The following TUSC3 variants were observed in gnomAD, a reference collection of about 807,000 sequenced individuals.
TUSC3 encodes tumor suppressor candidate 3.
Under a neutral mutation model 44.8 loss-of-function variants are expected in TUSC3, and 45 were observed. The observed-to-expected ratio is 1.00, with a 90% CI of 0.79 to 1.29. TUSC3 has a LOEUF of 1.29. TUSC3 is among the 50% of genes most tolerant of loss of function. TUSC3 has a pLI of 0.00. For missense variants in TUSC3, 519 were observed against 437.9 expected (o/e 1.19, Z -1.65); for synonymous variants, 212 against 152.9 (o/e 1.39, Z -2.85).
At chr8:15,469,208 C>G (rs981112678) in intron 1 of TUSC3, among the ~76,000 whole-genome samples, 2 of 152,096 alleles carry the variant, frequency 1.3e-5, no homozygotes, top group East Asian at 1.9e-4. Flanking sequence ...AAGACACTGT[C>G]TAGAGAATGA....
At chr8:15,635,130 A>C (rs1806008410) in intron 2 of TUSC3, among the ~76,000 whole-genome samples, 1 of 152,126 alleles carries the variant, frequency 6.6e-6, no homozygotes, top group Non-Finnish European at 1.5e-5. Context: ...GGTAACTGTC[A>C]AGGAAGGAAA....
intron 1 of TUSC3, among the ~76,000 whole-genome samples, chr8:15,616,914 A>G (rs1403600865): frequency 1.3e-5 from 2 of 152,188 alleles, no homozygotes; most frequent in Non-Finnish European, 2.9e-5. Context: ...AATCTGGGCC[A>G]GTAGCATGAG....
At chr8:15,620,871 T>G (rs151270053) in intron 1 of TUSC3, among the ~76,000 whole-genome samples, 188 of 152,326 alleles carry the variant, frequency 1.2e-3, no homozygotes, top group African/African-American at 4.2e-3. Context: ...TTTGACCTTT[T>G]ACAGTTACTT....
intron 6 of TUSC3, among the ~76,000 whole-genome samples, chr8:15,692,371 C>CCCCTCT (rs1563175839): frequency 5.3e-5 from 1 of 18,822 alleles, no homozygotes; most frequent in South Asian, 3.6e-3. Flanking sequence ...CCCCCCCCCC[C>CCCCTCT]TTTGTTTTTT....
At chr8:15,845,128 C>T in the TUSC3 span, among the ~76,000 whole-genome samples, 3 of 152,046 alleles carry the variant, frequency 2.0e-5, no homozygotes, top group Non-Finnish European at 4.4e-5. Flanking sequence ...TAAGTTAGAA[C>T]AAGAAGAAAC....
the TUSC3 span, among the ~76,000 whole-genome samples, chr8:15,798,649 T>TGGGGG: frequency 2.0e-5 from 3 of 147,154 alleles, no homozygotes; most frequent in African/African-American, 8.0e-5. Flanking sequence ...CCTGGGTGTG[T>TGGGGG]GGGGGGGGTC....
At chr8:15,785,774 A>G in the TUSC3 span, among the ~76,000 whole-genome samples, 1 of 152,050 alleles carries the variant, frequency 6.6e-6, no homozygotes, top group South Asian at 2.1e-4. Context: ...CTAACATATC[A>G]CGAAGCATTC....
chr8:15,541,254 G>T (rs1055236343), intron 1 of TUSC3, among the ~76,000 whole-genome samples: 6 of 152,182 alleles, frequency 3.9e-5, no homozygotes, highest in African/African-American at 1.4e-4. Flanking sequence ...CATTAACTTT[G>T]AAAAGGTTGA....
the TUSC3 span, among the ~76,000 whole-genome samples, chr8:15,848,390 G>A: frequency 1.3e-5 from 2 of 152,172 alleles, no homozygotes; most frequent in Non-Finnish European, 2.9e-5. Context: ...CCTCACATCA[G>A]AAAACAGGAT....
chr8:15,640,769 G>A (rs1200073580), intron 2 of TUSC3, among the ~76,000 whole-genome samples: 1 of 152,086 alleles, frequency 6.6e-6, no homozygotes, highest in Non-Finnish European at 1.5e-5. Flanking sequence ...GGATCCAAGG[G>A]GAGATGATGG....
At chr8:15,622,440 G>C (rs934821826) in intron 1 of TUSC3, among the ~76,000 whole-genome samples, 1 of 150,092 alleles carries the variant, frequency 6.7e-6, no homozygotes, top group African/African-American at 2.4e-5. Context: ...GCCTATAAGA[G>C]CCTTCTATAC....
chr8:15,744,120 A>ACTAT (rs1248415131), intron 8 of TUSC3, among the ~76,000 whole-genome samples: 1 of 152,178 alleles, frequency 6.6e-6, no homozygotes, highest in African/African-American at 2.4e-5. Context: ...ATCTATTGAT[A>ACTAT]CTATCTTTTC....
At chr8:15,555,024 T>C (rs1051049149) in intron 1 of TUSC3, among the ~76,000 whole-genome samples, 6 of 151,430 alleles carry the variant, frequency 4.0e-5, no homozygotes, top group Non-Finnish European at 8.8e-5. Flanking sequence ...GCAAGGAGAT[T>C]GAAGGAACAC....
At chr8:15,783,020 G>T in the TUSC3 span, among the ~76,000 whole-genome samples, 1 of 152,032 alleles carries the variant, frequency 6.6e-6, no homozygotes, top group Non-Finnish European at 1.5e-5. Context: ...GAAGTTGTAG[G>T]ATATATATCA....
At chr8:15,437,430 C>T (rs1238685897) in intron 1 of TUSC3, among the ~76,000 whole-genome samples, 3 of 152,066 alleles carry the variant, frequency 2.0e-5, no homozygotes, top group East Asian at 1.9e-4. Context: ...GAAAGAGATT[C>T]GTGATTTTAT....
chr8:15,584,995 A>G (rs1049159201), intron 1 of TUSC3, among the ~76,000 whole-genome samples: 1 of 152,218 alleles, frequency 6.6e-6, no homozygotes, highest in African/African-American at 2.4e-5. Context: ...TATTAAAAAG[A>G]TAACCTTTAC....
the TUSC3 span, among the ~76,000 whole-genome samples, chr8:15,788,617 C>T: frequency 6.6e-6 from 1 of 151,640 alleles, no homozygotes; most frequent in South Asian, 2.1e-4. Context: ...ATCAGATCCT[C>T]ATCCAGACTG....
intron 1 of TUSC3, among the ~76,000 whole-genome samples, chr8:15,541,534 A>T (rs1801692637): frequency 6.6e-6 from 1 of 152,208 alleles, no homozygotes; most frequent in African/African-American, 2.4e-5. Flanking sequence ...AGAGACAGTG[A>T]AAAAATACCC....
chr8:15,520,226 C>T (rs952404679), intron 2 of TUSC3, among the ~76,000 whole-genome samples: 1 of 152,186 alleles, frequency 6.6e-6, no homozygotes, highest in Non-Finnish European at 1.5e-5. Context: ...GAGACATGGT[C>T]TCTGTCAATA....
Sources: allele counts gnomAD v4.1 joint callset (sites outside exome capture counted in the v4.1 genomes callset), GRCh38; gene constraint gnomAD v4.1.1; transcripts MANE v1.5; gene names NCBI Gene and HGNC (gene_info 2026-07-23, HGNC 2026-07-21).